Variants in COL5A3 observed in about 807,000 individuals in gnomAD.
The protein encoded by COL5A3 is collagen alpha-3(V) chain.
In COL5A3, 172 loss-of-function variants were observed where a neutral mutation model predicts 250.0. That is an observed-to-expected ratio of 0.69 (90% CI 0.61 to 0.78). The LOEUF (loss-of-function observed/expected upper bound fraction) is 0.78. Ranked by LOEUF, COL5A3 falls within the 30% of genes least tolerant of loss-of-function variation. COL5A3 has a pLI of 0.00. For synonymous variants in COL5A3, 937 were observed against 900.4 expected, an observed-to-expected ratio of 1.04 and a Z score of -0.73; for missense variants, 2,340 against 2,334.4, an observed-to-expected ratio of 1.00 and a Z score of -0.05.
At chr19:9,993,330 G>A in intron 19 of COL5A3, 50 bp downstream of exon 19, 1 of 1,586,222 alleles carries the variant, frequency 6.3e-7, no homozygotes, top group South Asian at 1.1e-5. Context: ...TCTCACTCAG[G>A]CTTCCAAACT....
chr19:9,967,464 C>A, intron 61 of COL5A3, 64 bp from the exon 62 acceptor site: 1 of 1,057,392 alleles, frequency 9.5e-7, no homozygotes, highest in Non-Finnish European at 1.4e-6. Context: ...CCAACATACA[C>A]ACAAACACAC....
chr19:9,967,865 G>A, intron 61 of COL5A3, 39 bp downstream of exon 61: 1 of 1,601,150 alleles, frequency 6.2e-7, no homozygotes, highest in Non-Finnish European at 8.5e-7. Context: ...GGGGTGGGGA[G>A]CTGGGATGTG....
At chr19:9,979,449 T>G in intron 37 of COL5A3, 32 bp from the exon 38 acceptor site, 2 of 1,611,610 alleles carry the variant, frequency 1.2e-6, no homozygotes, top group Non-Finnish European at 1.7e-6. Flanking sequence ...GGGGGCGGTG[T>G]TACATGGGGA....
chr19:9,965,846 T>A (rs996373833), intron 64 of COL5A3, among the ~76,000 whole-genome samples: 9 of 152,020 alleles, frequency 5.9e-5, no homozygotes, highest in Admixed American at 1.3e-4. Context: ...TTCCTTTCTT[T>A]TTTCTGAGAA....
At position 9,969,581 on chromosome 19, in the gene COL5A3, G is replaced by T; in HGVS notation, c.4092C>A (p.Gly1364=). The stretch of plus-strand genomic sequence containing the variant: ...CCTGCCCCGCTCCACTCACCACAGG[G>T]CCAGGGATCCCTCGAAGACCCTCAG... ...VGPEGLRGIP[G]PVGEPGLLGA... The change falls in exon 56 of 67, where the codon GGC becomes GGA. Residue 1364 remains glycine (G), a synonymous_variant. Coordinates refer to ENST00000264828, the MANE Select transcript of COL5A3 (RefSeq NM_015719.4). 1 of 1,610,782 alleles carries T rather than the reference G, an allele frequency of 6.2e-7. No individual in the cohort carries two copies. The highest frequency in any genetic ancestry group is 1.1e-5 in the South Asian group (1 of 90,808).
chr19:9,971,533 T>A (rs2086846992), intron 51 of COL5A3, among the ~76,000 whole-genome samples: 1 of 152,222 alleles, frequency 6.6e-6, no homozygotes, highest in Non-Finnish European at 1.5e-5. Context: ...GTCTATTCAT[T>A]CATTGATTCG....
chr19:9,968,262 C>T lies in COL5A3; in HGVS notation c.4314+123G>A, dbSNP rs1257990567. 2 of 1,003,388 alleles carry T rather than the reference C, an allele frequency of 2.0e-6. No individual in the cohort carries two copies. Among genetic ancestry groups the T allele is most frequent in the Non-Finnish European group, 3.0e-6 (2 of 659,868 alleles). 62.2% of individuals were successfully genotyped at this position (1,003,388 alleles called of 1,614,324 possible). A position where few individuals can be genotyped will look rare whatever the true frequency, so the allele number is the denominator to read the frequency against. ...AACTTGCCAGTTCCCAGATACATCC[C>T]CCTATTTTCCCCACACACACCCTCA... is the stretch of plus-strand genomic sequence containing the variant. On this transcript the variant is annotated intron_variant, in intron 59 of 66. Coordinates refer to ENST00000264828, the MANE Select transcript of COL5A3 (RefSeq NM_015719.4). The surrounding 1 kb of genome is among the most constrained non-coding windows in gnomAD (Gnocchi z 4.1).
intron 45 of COL5A3, among the ~76,000 whole-genome samples, chr19:9,974,959 G>A (rs761799441): frequency 3.5e-4 from 53 of 152,142 alleles, no homozygotes; most frequent in Middle Eastern, 3.5e-3. Context: ...GTGCAGTGGC[G>A]CAATCTCTGC....
At chr19:10,004,838 C>G (rs780039074) in intron 4 of COL5A3, among the ~76,000 whole-genome samples, 33 of 152,180 alleles carry the variant, frequency 2.2e-4, no homozygotes, top group Non-Finnish European at 4.1e-4. Context: ...AAAGTCATAA[C>G]CGCCCCCACA....
chr19:9,974,916 G>C (rs528277272), intron 45 of COL5A3, among the ~76,000 whole-genome samples: 1 of 152,234 alleles, frequency 6.6e-6, no homozygotes, highest in South Asian at 2.1e-4. Context: ...GTTTTGTTTT[G>C]AGAAGGAGTC....
chr19:9,985,322 G>A (rs2087084129), intron 31 of COL5A3, among the ~76,000 whole-genome samples: 1 of 147,768 alleles, frequency 6.8e-6, no homozygotes, highest in Non-Finnish European at 1.5e-5. Flanking sequence ...GTGCAATGGT[G>A]CAATCTCAGC....
intron 26 of COL5A3, 37 bp downstream of exon 26, chr19:9,989,285 C>T (rs761371109): frequency 5.0e-6 from 8 of 1,613,808 alleles, no homozygotes; most frequent in Non-Finnish European, 6.8e-6. Flanking sequence ...CCTCCCGACC[C>T]TCGTCCCCAA....
At chr19:10,002,670 C>G (rs1015631511) in intron 6 of COL5A3, among the ~76,000 whole-genome samples, 2 of 152,108 alleles carry the variant, frequency 1.3e-5, no homozygotes, top group Non-Finnish European at 1.5e-5. Flanking sequence ...ACTAATAACC[C>G]CCATCGGTGA....
rs148417859 is a variant in COL5A3, at chr19:9,996,220, G to A, written c.1465C>T (p.Arg489Cys). 1.6e-4 allele frequency: 259 copies of A among 1,575,336 alleles called. No homozygotes were observed. Among genetic ancestry groups the A allele is most frequent in the Middle Eastern group, 1.2e-3 (7 of 5,888 alleles). ...GPPGPVGLTGRPGPVGLPGHP... is the reference protein window; with the variant it reads ...GPPGPVGLTGCPGPVGLPGHP... ...GCCTTACTCACCACAGGGCCTGGGCGCCCAGTGAGCCCCACTGGACCAGGG... is the reference window on the plus strand; with the variant it reads ...GCCTTACTCACCACAGGGCCTGGGCACCCAGTGAGCCCCACTGGACCAGGG... The change falls in exon 14 of 67, where the codon CGC (arginine) becomes TGC (cysteine). Residue 489 changes from arginine to cysteine, a missense_variant. Coordinates refer to ENST00000264828, the MANE Select transcript of COL5A3 (RefSeq NM_015719.4).
intron 64 of COL5A3, among the ~76,000 whole-genome samples, chr19:9,965,049 A>T (rs1423481134): frequency 6.6e-6 from 1 of 151,686 alleles, no homozygotes; most frequent in African/African-American, 2.4e-5. Context: ...ACTCTGTCTC[A>T]CACACACACA....
rs2086779137 is a variant in COL5A3 at position 9,968,074 on chromosome 19, G to A, written c.4320C>T (p.Pro1440=). 2.5e-6 allele frequency: 4 copies of A among 1,588,446 alleles called. No homozygotes were observed. The highest frequency in any genetic ancestry group is 2.0e-5 in the Admixed American group (1 of 50,868). Residue 1440 remains proline, a synonymous_variant, in exon 60 of 67, where the codon CCC becomes CCT. Transcript: ENST00000264828. This position sits in a 1 kb window ranked among gnomAD's most constrained non-coding sequence, Gnocchi z 4.1. ...GGCCCAGAGAGCCAATGGGACCAGG[G>A]GGACCCTAGGAAAAGGACATCGGGT... ...GPPGPKGDPG[P]PGPIGSLGHP...
At chr19:9,970,438 C>A (rs540947950) in intron 54 of COL5A3, among the ~76,000 whole-genome samples, 184 bp downstream of exon 54, 1,627 of 38,092 alleles carry the variant, frequency 0.043, 69 homozygotes, top group South Asian at 0.15. Flanking sequence ...TGAGTGGGGT[C>A]TGTGGGTGAG....
chr19:9,980,916 T>C (rs2087000524), intron 33 of COL5A3, 57 bp from the exon 34 acceptor site: 1 of 1,559,314 alleles, frequency 6.4e-7, no homozygotes. Flanking sequence ...GCCTGGGAGA[T>C]GAGACCAAGT....
At chr19:9,979,930 C>G (rs1194129667) in intron 36 of COL5A3, 38 bp from the exon 37 acceptor site, 2 of 1,574,326 alleles carry the variant, frequency 1.3e-6, no homozygotes, top group Non-Finnish European at 1.7e-6. Context: ...GGCACAGATA[C>G]AGGGCTTCCT....
Sources: gnomAD v4.1 joint callset for allele counts (sites outside exome capture counted in the v4.1 genomes callset) on GRCh38, gnomAD v4.1.1 for gene constraint, Gnocchi (gnomAD v3.1) non-coding constraint, MANE v1.5 for transcripts, NCBI Gene and HGNC (gene_info 2026-07-23, HGNC 2026-07-21) for gene names.